GTF3C1: variants seen among roughly 807,000 people sequenced by gnomAD.
GTF3C1 encodes the protein general transcription factor 3C polypeptide 1.
In GTF3C1, 57 loss-of-function variants were observed where a neutral mutation model predicts 226.7. The observed-to-expected ratio is 0.25, with a 90% CI of 0.20 to 0.31. The LOEUF (loss-of-function observed/expected upper bound fraction) is 0.31, where lower values mean the gene tolerates loss of function less well. Ranked by LOEUF, GTF3C1 falls within the 10% of genes least tolerant of loss-of-function variation. The pLI is 1.00. For synonymous variants in GTF3C1, 1,090 were observed against 1,084.8 expected (o/e 1.00, Z -0.09); for missense variants, 2,217 against 2,776.1 (o/e 0.80, Z 4.53).
At chr16:27,511,601 T>C in intron 7 of GTF3C1, 148 bp downstream of exon 7, 1 of 744,512 alleles carries the variant, frequency 1.3e-6, no homozygotes. Context: ...CAATCTGACC[T>C]TGAAGCCTAA....
intron 7 of GTF3C1, among the ~76,000 whole-genome samples, chr16:27,510,816 G>A (rs1444591145): frequency 6.6e-6 from 1 of 152,236 alleles, no homozygotes; most frequent in African/African-American, 2.4e-5. Flanking sequence ...TTAGGAATGG[G>A]AGAGAATGTT....
chr16:27,469,336 A>C lies in GTF3C1; in HGVS notation c.5029T>G (p.Phe1677Val). The stretch of plus-strand genomic sequence containing the variant: ...GGCACAGGGGTGCAGCGGAGCTGGA[A>C]CTTCATCTGGCAGGAGTTGACCACA... ...SIVVNSCQMK[F>V]QLRCTPVPAR... is the part of the protein sequence containing the mutation. The change falls in exon 32 of 37, where the codon TTC (phenylalanine) becomes GTC (valine). Residue 1677 changes from phenylalanine (F) to valine (V), a missense_variant. Coordinates refer to ENST00000356183, the MANE Select transcript of GTF3C1 (RefSeq NM_001520.4). This position sits in a 1 kb window ranked among gnomAD's most constrained non-coding sequence, Gnocchi z 4.5. 1 of 1,593,430 alleles carries C rather than the reference A, an allele frequency of 6.3e-7. No individual in the cohort carries two copies. Among genetic ancestry groups the C allele is most frequent in the Non-Finnish European group, 8.6e-7 (1 of 1,169,576 alleles).
chr16:27,499,232 A>G (rs1433335177), intron 12 of GTF3C1, among the ~76,000 whole-genome samples: 1 of 152,268 alleles, frequency 6.6e-6, no homozygotes, highest in Non-Finnish European at 1.5e-5. Flanking sequence ...CAGAGGATTT[A>G]GAGCTGCTTT....
chr16:27,501,313 G>A lies in GTF3C1; in HGVS notation c.1939C>T (p.Gln647Ter). ...CAGCACTTGGTGGACACGCCTTCCT[G>A]CTTCTCCTGATCCATGATCATCTTC... The part of the protein sequence containing the change: ...IQKMIMDQEK[Q>*]EGVSTKCCKK... The change falls in exon 12 of 37, where the codon CAG (glutamine) becomes TAG (stop). Residue 647 changes from glutamine (Q) to a stop codon, truncating the protein, a stop_gained. Coordinates refer to ENST00000356183, the MANE Select transcript of GTF3C1 (RefSeq NM_001520.4). LOFTEE classifies it high-confidence loss of function. The A allele has an allele frequency of 6.2e-7, 1 of 1,614,104 alleles. No homozygotes were observed. Among genetic ancestry groups the A allele is most frequent in the Non-Finnish European group, 8.5e-7 (1 of 1,179,986 alleles).
chr16:27,534,310 T>A (rs2088966580), intron 4 of GTF3C1, among the ~76,000 whole-genome samples: 1 of 152,090 alleles, frequency 6.6e-6, no homozygotes, highest in Non-Finnish European at 1.5e-5. Context: ...ACTGTGTAAG[T>A]CTAGTGGGAG....
chr16:27,471,506 G>T lies in GTF3C1; in HGVS notation c.4526+242C>A. 2.0e-6 allele frequency: 1 copy of T among 498,616 alleles called. No individual in the cohort carries two copies. The highest frequency in any genetic ancestry group is 3.0e-5 in the South Asian group (1 of 33,602). The allele number at this position is 498,616 out of a possible 1,614,324, so 30.9% of individuals were successfully genotyped here. On this transcript the variant is annotated intron_variant, in intron 30 of 36. Transcript: ENST00000356183. This position sits in a 1 kb window ranked among gnomAD's most constrained non-coding sequence, Gnocchi z 5.0. ...TTCACTCCATCTGACGAGAGAAACG[G>T]AAACAAACCACCTGCAAAATGGTAA...
intron 12 of GTF3C1, among the ~76,000 whole-genome samples, chr16:27,500,134 G>T (rs2098094230): frequency 1.3e-5 from 2 of 152,250 alleles, no homozygotes; most frequent in South Asian, 4.1e-4. Flanking sequence ...TGGAGGGTGG[G>T]GGGTTCCTGT....
chr16:27,489,841 G>A, intron 19 of GTF3C1, 98 bp from the exon 20 acceptor site: 1 of 1,298,312 alleles, frequency 7.7e-7, no homozygotes, highest in Non-Finnish European at 1.1e-6. Context: ...TGGATTCCCT[G>A]CCTGTGAAAA....
At chr16:27,530,490 T>A (rs1345118692) in intron 5 of GTF3C1, among the ~76,000 whole-genome samples, 1 of 151,988 alleles carries the variant, frequency 6.6e-6, no homozygotes, top group African/African-American at 2.4e-5. Flanking sequence ...AGGCAGTGAG[T>A]CTTCGTACCA....
chr16:27,532,411 T>C (rs1276238453), intron 5 of GTF3C1, among the ~76,000 whole-genome samples: 1 of 152,194 alleles, frequency 6.6e-6, no homozygotes, highest in Non-Finnish European at 1.5e-5. Flanking sequence ...ACCAAAGAGC[T>C]TGACTTCAAA....
chr16:27,481,615 A>C (rs1429517323), intron 26 of GTF3C1, among the ~76,000 whole-genome samples: 3 of 152,034 alleles, frequency 2.0e-5, no homozygotes, highest in African/African-American at 7.2e-5. Flanking sequence ...GGTGGCCCCC[A>C]AATCAATTTC....
intron 6 of GTF3C1, among the ~76,000 whole-genome samples, chr16:27,524,753 T>C (rs1397224361): frequency 1.3e-5 from 2 of 152,248 alleles, no homozygotes; most frequent in Non-Finnish European, 2.9e-5. Flanking sequence ...TATAAATTAC[T>C]TCTGTCTTTT....
intron 26 of GTF3C1, chr16:27,482,515 G>A: frequency 2.2e-6 from 1 of 456,060 alleles, no homozygotes; most frequent in Middle Eastern, 3.3e-4. Flanking sequence ...ACTCGCCTGT[G>A]GCCTCCTTGG....
At chr16:27,534,466 T>C (rs1012274657) in intron 4 of GTF3C1, among the ~76,000 whole-genome samples, 2 of 152,100 alleles carry the variant, frequency 1.3e-5, no homozygotes. Context: ...TGCTTCTCAA[T>C]GAATGAAAGA....
intron 4 of GTF3C1, among the ~76,000 whole-genome samples, chr16:27,533,714 A>C (rs780649346): frequency 6.6e-6 from 1 of 152,194 alleles, no homozygotes; most frequent in Non-Finnish European, 1.5e-5. Context: ...TATCACACAT[A>C]TCTTCTTACA....
intron 6 of GTF3C1, among the ~76,000 whole-genome samples, chr16:27,527,724 G>A (rs1307404169): frequency 6.6e-6 from 1 of 152,188 alleles, no homozygotes; most frequent in Non-Finnish European, 1.5e-5. Flanking sequence ...ATAAGTGGCT[G>A]GCAGTGGTAG....
intron 19 of GTF3C1, among the ~76,000 whole-genome samples, chr16:27,490,814 G>A (rs1389011541): frequency 5.3e-5 from 8 of 152,066 alleles, no homozygotes; most frequent in Non-Finnish European, 7.4e-5. Context: ...ATTATATGAC[G>A]CTTTTCCCCT....
Position 27,485,790 on chromosome 16 carries a change from C to T in GTF3C1, c.3858+207G>A, listed in dbSNP as rs192055694. On this transcript the variant is annotated intron_variant, in intron 24 of 36. Transcript: ENST00000356183. ...GGTTGAGGATGCAGTGAGCTGTGAT[C>T]GTGCCACTGCACTCCAGACTGGGTG... is the stretch of plus-strand genomic sequence containing the variant. 4.6e-3 allele frequency among the ~76,000 whole-genome samples: 697 copies of T among 152,328 alleles called. 7 individuals carry two copies. The highest frequency in any genetic ancestry group is 0.016 in the African/African-American group (672 of 41,554).
chr16:27,468,943 G>C (rs377539653), intron 32 of GTF3C1, among the ~76,000 whole-genome samples: 1 of 152,164 alleles, frequency 6.6e-6, no homozygotes, highest in Non-Finnish European at 1.5e-5. Context: ...CAGGAGACTA[G>C]AGCCCGGGCA....
Sources: allele counts gnomAD v4.1 joint callset (sites outside exome capture counted in the v4.1 genomes callset), GRCh38; gene constraint gnomAD v4.1.1; non-coding constraint Gnocchi (gnomAD v3.1); transcripts MANE v1.5; gene names NCBI Gene and HGNC (gene_info 2026-07-23, HGNC 2026-07-21).